MIPEP: variants seen among roughly 807,000 people sequenced by gnomAD.
MIPEP encodes the protein mitochondrial intermediate peptidase.
In MIPEP, 79 loss-of-function variants were observed where a neutral mutation model predicts 90.3. The observed-to-expected ratio is 0.87, with a 90% CI of 0.73 to 1.05. MIPEP has a LOEUF of 1.05. MIPEP is among the 50% of genes least tolerant of loss of function. MIPEP has a pLI of 0.00. For missense variants in MIPEP, 940 were observed against 905.6 expected (o/e 1.04, Z -0.49); for synonymous variants, 334 against 315.8 (o/e 1.06, Z -0.61).
chr13:23,798,056 T>C (rs1027563342), intron 16 of MIPEP, among the ~76,000 whole-genome samples: 2 of 152,252 alleles, frequency 1.3e-5, no homozygotes, highest in African/African-American at 4.8e-5. Context: ...TTAGACCATG[T>C]GGTAGCACGT....
intron 16 of MIPEP, among the ~76,000 whole-genome samples, chr13:23,767,455 ATT>A (rs11370717): frequency 6.7e-6 from 1 of 148,274 alleles, no homozygotes; most frequent in Non-Finnish European, 1.5e-5. Flanking sequence ...ATCTTTGTAA[ATT>A]TTTTTTTTTT....
In MIPEP at chr13:23,815,872, A is replaced by ACT. The variant is rs1461431793; in HGVS notation, c.1654-5949_1654-5948insAG. ...CACCTTAAGTAGAACTGGTTATCAA[A>ACT]CAATGAGTCAGTTTTTCATCTGCGG... On this transcript the variant is annotated intron_variant, in intron 14 of 18. Transcript: ENST00000382172. 1.5e-3 allele frequency among the ~76,000 whole-genome samples: 224 copies of ACT among 152,342 alleles called. No homozygotes were observed. The Middle Eastern group carries it at 0.024, about 16-fold the overall frequency.
intron 16 of MIPEP, among the ~76,000 whole-genome samples, chr13:23,781,446 C>A (rs1227403418): frequency 1.3e-5 from 2 of 152,092 alleles, no homozygotes; most frequent in East Asian, 3.8e-4. Context: ...CAAGAGCTCC[C>A]AAAGGAAGCA....
chr13:23,738,136 A>C (rs991580955), intron 18 of MIPEP, among the ~76,000 whole-genome samples: 1 of 152,170 alleles, frequency 6.6e-6, no homozygotes, highest in Admixed American at 6.5e-5. Context: ...TGTGAATTTC[A>C]GGAAGGCAAA....
intron 5 of MIPEP, among the ~76,000 whole-genome samples, chr13:23,872,601 T>C (rs1219709787): frequency 1.3e-5 from 2 of 152,230 alleles, no homozygotes; most frequent in Non-Finnish European, 2.9e-5. Context: ...TATCCTGTCC[T>C]AGTGGAGCAC....
At chr13:23,803,857 C>A (rs1953075923) in intron 16 of MIPEP, among the ~76,000 whole-genome samples, 1 of 152,168 alleles carries the variant, frequency 6.6e-6, no homozygotes, top group Admixed American at 6.5e-5. Flanking sequence ...AACTCTCAGA[C>A]ACTTTTTTTT....
intron 14 of MIPEP, among the ~76,000 whole-genome samples, chr13:23,833,032 T>C (rs1466168868): frequency 6.6e-6 from 1 of 152,198 alleles, no homozygotes; most frequent in East Asian, 1.9e-4. Flanking sequence ...AATAAGTCAC[T>C]GATTATCCTC....
At chr13:23,882,392 A>G (rs1416342455) in intron 2 of MIPEP, among the ~76,000 whole-genome samples, 3 of 152,084 alleles carry the variant, frequency 2.0e-5, no homozygotes, top group Non-Finnish European at 2.9e-5. Flanking sequence ...TTCAAAACCC[A>G]TTTAACTACA....
intron 16 of MIPEP, 173 bp from the exon 17 acceptor site, chr13:23,760,390 TA>T: frequency 1.2e-6 from 1 of 841,742 alleles, no homozygotes; most frequent in Non-Finnish European, 2.0e-6. Flanking sequence ...TATACACTGT[TA>T]GGGCTGAACT....
In MIPEP at chr13:23,889,395, G is replaced by A. The variant is rs1316030377; in HGVS notation, c.-75C>T. The A allele has an allele frequency of 1.6e-6, 2 of 1,220,088 alleles. No homozygotes were observed. The highest frequency in any genetic ancestry group is 3.1e-5 in the African/African-American group (2 of 64,048). The allele number at this position is 1,220,088 out of a possible 1,614,324, so 75.6% of individuals were successfully genotyped here. A position where few individuals can be genotyped will look rare whatever the true frequency, so the allele number is the denominator to read the frequency against. On this transcript the variant is annotated 5_prime_UTR_variant, in exon 1 of 19. It adds an upstream start codon to the 5' untranslated region. Coordinates refer to ENST00000382172, the MANE Select transcript of MIPEP (RefSeq NM_005932.4). ...CTTTCGCTGGGAGCGCGCGCTCCGC[G>A]TTTCCAAGGCAGCAGCCCACGCCGC... is the stretch of plus-strand genomic sequence containing the variant.
At position 23,873,876 on chromosome 13, in the gene MIPEP, T is replaced by A. The variant is rs149511480; in HGVS notation, c.603+970A>T. Among the ~76,000 whole-genome samples, 334 of 152,312 alleles carry A rather than the reference T, an allele frequency of 2.2e-3. 2 individuals are homozygous for A. Among genetic ancestry groups the A allele is most frequent in the African/African-American group, 7.7e-3 (320 of 41,572 alleles). ...CCTCATGGGCTGCTGGGAAGGCACG[T>A]CCTGGCTCAGGGTCAGACCAGGAAT... On this transcript the variant is annotated intron_variant, in intron 5 of 18. Coordinates refer to ENST00000382172, the MANE Select transcript of MIPEP (RefSeq NM_005932.4).
At chr13:23,801,077 T>C (rs1438581048) in intron 16 of MIPEP, among the ~76,000 whole-genome samples, 5 of 152,226 alleles carry the variant, frequency 3.3e-5, no homozygotes, top group Admixed American at 2.6e-4. Flanking sequence ...CTTCGTTGCT[T>C]ATATTTTCCT....
chr13:23,775,591 T>TA (rs1428536669), intron 16 of MIPEP, among the ~76,000 whole-genome samples: 2 of 152,112 alleles, frequency 1.3e-5, no homozygotes, highest in African/African-American at 4.8e-5. Context: ...GTACGTAGGG[T>TA]CTATGTGCAT....
intron 9 of MIPEP, among the ~76,000 whole-genome samples, chr13:23,860,635 A>G (rs573124595): frequency 4.6e-5 from 7 of 150,954 alleles, no homozygotes; most frequent in African/African-American, 1.7e-4. Flanking sequence ...ACAAGATCAG[A>G]TCTGCTTTTT....
At chr13:23,868,090 T>C (rs1421232573) in intron 7 of MIPEP, among the ~76,000 whole-genome samples, 3 of 151,982 alleles carry the variant, frequency 2.0e-5, no homozygotes, top group Non-Finnish European at 2.9e-5. Context: ...ACATATTATA[T>C]CTGTTTAGGA....
chr13:23,751,563 G>A (rs1952441420), intron 18 of MIPEP, among the ~76,000 whole-genome samples: 1 of 152,224 alleles, frequency 6.6e-6, no homozygotes, highest in African/African-American at 2.4e-5. Flanking sequence ...TGATTAGAAA[G>A]GAGCATGGAA....
chr13:23,833,439 G>T (rs1363518352), intron 14 of MIPEP, among the ~76,000 whole-genome samples: 1 of 152,148 alleles, frequency 6.6e-6, no homozygotes, highest in Non-Finnish European at 1.5e-5. Flanking sequence ...CATCTTCTGT[G>T]TCTGAAACTT....
intron 12 of MIPEP, among the ~76,000 whole-genome samples, chr13:23,839,224 G>A (rs1256026478): frequency 6.6e-6 from 1 of 152,200 alleles, no homozygotes; most frequent in African/African-American, 2.4e-5. Context: ...AAAAGTTGGG[G>A]ATCTGCTCAG....
At position 23,889,217 on chromosome 13, in the gene MIPEP, C is replaced by T. The variant is rs1384202045; in HGVS notation, c.104G>A (p.Arg35Lys). The T allele has an allele frequency of 7.0e-6, 10 of 1,429,550 alleles. No homozygotes were observed. The highest frequency in any genetic ancestry group is 7.3e-6 in the Non-Finnish European group (8 of 1,093,412). The allele number at this position is 1,429,550 out of a possible 1,614,324, so 88.6% of individuals were successfully genotyped here. A position where few individuals can be genotyped will look rare whatever the true frequency, so the allele number is the denominator to read the frequency against. The change falls in exon 1 of 19, where the codon AGG becomes AAG. Residue 35 changes from arginine (R) to lysine (K), a missense_variant. Physicochemically the swap from Arg to Lys is conservative, Grantham distance 26. Transcript: ENST00000382172. Reference protein sequence around the residue: ...GSLEAGIRARRVSTSWSPVGA... With the variant: ...GSLEAGIRARKVSTSWSPVGA... ...CACGGGAGACCAGCTGGTGCTGACCCTTCGGGCCCGGATCCCGGCTTCGAG... is the reference window on the plus strand; with the variant it reads ...CACGGGAGACCAGCTGGTGCTGACCTTTCGGGCCCGGATCCCGGCTTCGAG...
Sources: gnomAD v4.1 joint callset for allele counts (sites outside exome capture counted in the v4.1 genomes callset) on GRCh38, gnomAD v4.1.1 for gene constraint, MANE v1.5 for transcripts, NCBI Gene and HGNC (gene_info 2026-07-23, HGNC 2026-07-21) for gene names.